GLRA2: variants seen among roughly 807,000 people sequenced by gnomAD.
GLRA2 encodes the protein glycine receptor subunit alpha-2.
GLRA2 carries 11 observed loss-of-function variants against 31.6 expected under a neutral mutation model. The ratio of observed to expected loss-of-function variants is 0.35; its 90% CI spans 0.22 to 0.58. The LOEUF (loss-of-function observed/expected upper bound fraction) is 0.58, where lower values mean the gene tolerates loss of function less well. Ranked by LOEUF, GLRA2 falls within the 20% of genes least tolerant of loss-of-function variation. The probability of loss-of-function intolerance (pLI) is 0.84; values close to 1 mark genes in which losing one functional copy is unlikely to be tolerated. For synonymous variants in GLRA2, 132 were observed against 134.0 expected (o/e 0.99, Z 0.10); for missense variants, 212 against 351.8 (o/e 0.60, Z 3.18).
the GLRA2 span, among the ~76,000 whole-genome samples, chrX:14,486,627 C>G: frequency 9.0e-6 from 1 of 111,507 alleles, no homozygotes; most frequent in Non-Finnish European, 1.9e-5. Context: ...ATTAGGCATA[C>G]GATGAGATGA....
chrX:14,485,444 C>A, the GLRA2 span, among the ~76,000 whole-genome samples: 1 of 111,613 alleles, frequency 9.0e-6, no homozygotes, highest in African/African-American at 3.3e-5. Flanking sequence ...CAGTTGCTCG[C>A]CCCAAAACCT....
chrX:14,485,363 T>G, the GLRA2 span, among the ~76,000 whole-genome samples: 2 of 112,509 alleles, frequency 1.8e-5, no homozygotes, highest in African/African-American at 3.2e-5. Context: ...GTGTGTGTAC[T>G]TTACATGTAT....
intron 4 of GLRA2, among the ~76,000 whole-genome samples, chrX:14,590,530 T>G (rs773504706): frequency 6.2e-5 from 7 of 112,096 alleles, no homozygotes; most frequent in Non-Finnish European, 1.1e-4. Context: ...TCTATTTAGA[T>G]GTCAGAGCCA....
At chrX:14,588,146 T>A (rs923153105) in intron 4 of GLRA2, among the ~76,000 whole-genome samples, 1 of 111,629 alleles carries the variant, frequency 9.0e-6, no homozygotes, top group African/African-American at 3.3e-5. Context: ...ACAAGTGATC[T>A]GCCCACCTCA....
the GLRA2 span, among the ~76,000 whole-genome samples, chrX:14,516,789 C>T: frequency 9.0e-6 from 1 of 111,460 alleles, no homozygotes; most frequent in Non-Finnish European, 1.9e-5. Flanking sequence ...CAGAAAGAGG[C>T]CACATGTAGG....
chrX:14,583,963 G>A (rs1239374513), intron 4 of GLRA2, among the ~76,000 whole-genome samples: 1 of 111,126 alleles, frequency 9.0e-6, no homozygotes, highest in Non-Finnish European at 1.9e-5. Context: ...CAGTACAAAC[G>A]CTGCATGTTC....
chrX:14,556,825 C>A (rs1485976029), intron 2 of GLRA2, among the ~76,000 whole-genome samples: 3 of 111,864 alleles, frequency 2.7e-5, no homozygotes, highest in Non-Finnish European at 5.6e-5. Context: ...AGCTATTCAG[C>A]AAATTGTTTC....
intron 3 of GLRA2, among the ~76,000 whole-genome samples, chrX:14,575,202 ATTT>A (rs111757969): frequency 4.4e-5 from 4 of 90,929 alleles, no homozygotes; most frequent in African/African-American, 8.8e-5. Flanking sequence ...CTACCAGTGC[ATTT>A]TTTTTTTTTT....
At chrX:14,495,429 C>G in the GLRA2 span, among the ~76,000 whole-genome samples, 1 of 110,148 alleles carries the variant, frequency 9.1e-6, no homozygotes, top group Non-Finnish European at 1.9e-5. Flanking sequence ...ATATAGGGTT[C>G]TACTCTACCA....
intron 3 of GLRA2, among the ~76,000 whole-genome samples, chrX:14,579,033 C>T (rs1386154956): frequency 8.9e-6 from 1 of 111,925 alleles, no homozygotes; most frequent in Non-Finnish European, 1.9e-5. Context: ...ATTCTAGCTC[C>T]CTCAAATCCT....
intron 7 of GLRA2, among the ~76,000 whole-genome samples, chrX:14,658,434 C>T (rs1429694155): frequency 2.7e-5 from 3 of 111,716 alleles, no homozygotes; most frequent in East Asian, 5.6e-4. Context: ...CAGAACAACA[C>T]TTCTGATAAT....
chrX:14,465,771 C>T, the GLRA2 span, among the ~76,000 whole-genome samples: 1 of 111,575 alleles, frequency 9.0e-6, no homozygotes, highest in East Asian at 2.8e-4. Flanking sequence ...AGCTTTTTTG[C>T]CCCAAATTCT....
At chrX:14,667,888 C>T (rs977910055) in intron 7 of GLRA2, among the ~76,000 whole-genome samples, 3 of 111,819 alleles carry the variant, frequency 2.7e-5, no homozygotes, top group Non-Finnish European at 3.8e-5. Context: ...ATTTTAGTGG[C>T]TTAAACAATA....
At chrX:14,459,414 T>G in the GLRA2 span, among the ~76,000 whole-genome samples, 2 of 110,781 alleles carry the variant, frequency 1.8e-5, no homozygotes. Flanking sequence ...GTGAAGAAAG[T>G]CATTGGTAGC....
chrX:14,688,469 G>A (rs950286658), intron 7 of GLRA2, among the ~76,000 whole-genome samples: 9 of 111,055 alleles, frequency 8.1e-5, no homozygotes, highest in East Asian at 5.7e-4. Context: ...CTTCCAGGCC[G>A]CTTTGTTTAC....
At chrX:14,693,076 CCAGA>C (rs1353336735) in intron 8 of GLRA2, among the ~76,000 whole-genome samples, 1 of 107,961 alleles carries the variant, frequency 9.3e-6, no homozygotes, top group African/African-American at 3.4e-5. Flanking sequence ...GAATGCAGAA[CCAGA>C]CAGACAAAGA....
intron 8 of GLRA2, among the ~76,000 whole-genome samples, chrX:14,691,270 ACTGTGTGT>A (rs2091349863): frequency 2.3e-5 from 1 of 43,826 alleles, no homozygotes; most frequent in Admixed American, 2.8e-4. Flanking sequence ...CTAAATATTG[ACTGTGTGT>A]GTGTGTGTGT....
intron 7 of GLRA2, among the ~76,000 whole-genome samples, chrX:14,648,597 A>G (rs983537496): frequency 8.9e-6 from 1 of 111,887 alleles, no homozygotes; most frequent in African/African-American, 3.2e-5. Context: ...TGTAAGACAC[A>G]TAACTGAACA....
At chrX:14,475,706 A>G in the GLRA2 span, among the ~76,000 whole-genome samples, 1 of 111,661 alleles carries the variant, frequency 9.0e-6, no homozygotes. Context: ...AGACACACAC[A>G]CACACACATA....
Sources: gnomAD v4.1 joint callset for allele counts (sites outside exome capture counted in the v4.1 genomes callset) on GRCh38, gnomAD v4.1.1 for gene constraint, MANE v1.5 for transcripts, NCBI Gene and HGNC (gene_info 2026-07-23, HGNC 2026-07-21) for gene names.